Variants in NEDD4 observed in about 807,000 individuals in gnomAD.
The protein encoded by NEDD4 is NEDD4 E3 ubiquitin protein ligase.
A neutral mutation model predicts 144.9 loss-of-function variants in NEDD4; 99 were observed. The ratio of observed to expected loss-of-function variants is 0.68; its 90% CI spans 0.58 to 0.81. NEDD4 has a LOEUF of 0.81. Among genes scored for constraint, NEDD4 ranks in the 30% least tolerant of loss-of-function variants. The pLI is 0.00. For missense variants in NEDD4, 985 were observed against 1,065.9 expected (o/e 0.92, Z 1.06); for synonymous variants, 318 against 350.6 (o/e 0.91, Z 1.04).
At chr15:55,926,443 A>C (rs1355254949) in intron 4 of NEDD4, among the ~76,000 whole-genome samples, 1 of 152,160 alleles carries the variant, frequency 6.6e-6, no homozygotes, top group East Asian at 1.9e-4. Context: ...AGACATGCCA[A>C]ACATAAGGCT....
intron 8 of NEDD4, among the ~76,000 whole-genome samples, chr15:55,865,222 T>C (rs1230600811): frequency 1.3e-5 from 2 of 150,780 alleles, no homozygotes; most frequent in African/African-American, 4.9e-5. Context: ...AAAAAAACTT[T>C]ATAGGAATTT....
chr15:55,955,027 C>A (rs915076870), intron 2 of NEDD4, among the ~76,000 whole-genome samples: 1 of 147,154 alleles, frequency 6.8e-6, no homozygotes, highest in Admixed American at 6.6e-5. Flanking sequence ...GCACTGCATT[C>A]CAGCATTTTT....
intron 7 of NEDD4, among the ~76,000 whole-genome samples, chr15:55,872,175 C>T (rs1266941241): frequency 3.3e-5 from 5 of 151,884 alleles, no homozygotes; most frequent in South Asian, 2.1e-4. Context: ...ATTAGGAGAA[C>T]GAATCTTTCC....
At chr15:55,894,521 C>T (rs563727943) in intron 5 of NEDD4, among the ~76,000 whole-genome samples, 3 of 152,250 alleles carry the variant, frequency 2.0e-5, no homozygotes, top group African/African-American at 4.8e-5. Context: ...TGAAATTCTA[C>T]GGCCCTTAGA....
chr15:55,855,769 G>A (rs1336843406), intron 12 of NEDD4, among the ~76,000 whole-genome samples: 1 of 152,214 alleles, frequency 6.6e-6, no homozygotes, highest in African/African-American at 2.4e-5. Context: ...TATTCTTCAT[G>A]TACAGGGCAG....
intron 13 of NEDD4, among the ~76,000 whole-genome samples, chr15:55,852,158 T>C (rs1272347743): frequency 3.3e-5 from 5 of 151,864 alleles, no homozygotes; most frequent in African/African-American, 1.2e-4. Flanking sequence ...TAGCCAGGTG[T>C]GGTGGCGGGC....
Position 55,988,464 on chromosome 15 carries a change from T to TA in NEDD4, c.45+5046dup, listed in dbSNP as rs763081690. Among the ~76,000 whole-genome samples, 712 of 104,036 alleles carry TA rather than the reference T, an allele frequency of 6.8e-3. 6 individuals carry two copies. The highest frequency in any genetic ancestry group is 9.7e-3 in the Non-Finnish European group (517 of 53,446). 68.3% of individuals were successfully genotyped at this position (104,036 alleles called of 152,430 possible). A position where few individuals can be genotyped will look rare whatever the true frequency, so the allele number is the denominator to read the frequency against. On this transcript the variant is annotated intron_variant, in intron 1 of 28. Coordinates refer to ENST00000435532, the MANE Select transcript of NEDD4 (RefSeq NM_006154.4). ...CAATGTGCACATGTACACTAAAACTTAGAGTATAATAAAAAAAAAAATTAA... is the reference window on the plus strand; with the variant it reads ...CAATGTGCACATGTACACTAAAACTTAAGAGTATAATAAAAAAAAAAATTAA...
At chr15:55,902,863 T>C (rs2035955028) in intron 5 of NEDD4, among the ~76,000 whole-genome samples, 1 of 152,146 alleles carries the variant, frequency 6.6e-6, no homozygotes, top group Admixed American at 6.6e-5. Flanking sequence ...TAGGTCAGCA[T>C]GGTGGCAGGT....
chr15:55,908,868 C>T (rs1465966692), intron 5 of NEDD4, among the ~76,000 whole-genome samples: 1 of 151,888 alleles, frequency 6.6e-6, no homozygotes, highest in African/African-American at 2.4e-5. Flanking sequence ...AATGAGACCT[C>T]ATCATAAAAA....
chr15:55,835,202 C>T (rs187199648), intron 24 of NEDD4, among the ~76,000 whole-genome samples: 157 of 152,272 alleles, frequency 1.0e-3, no homozygotes, highest in African/African-American at 3.7e-3. Context: ...CCACTGCAAT[C>T]GGACTTCTAC....
chr15:55,883,925 G>C (rs2035294253), intron 5 of NEDD4, among the ~76,000 whole-genome samples: 1 of 151,038 alleles, frequency 6.6e-6, no homozygotes, highest in Non-Finnish European at 1.5e-5. Context: ...TGTTGCCCAG[G>C]CTGGAGTACA....
chr15:55,960,929 T>C (rs1277027820), intron 2 of NEDD4, among the ~76,000 whole-genome samples: 1 of 152,256 alleles, frequency 6.6e-6, no homozygotes, highest in African/African-American at 2.4e-5. Context: ...CTGGGAGGCA[T>C]GCTGCCCTCT....
intron 2 of NEDD4, among the ~76,000 whole-genome samples, chr15:55,963,537 T>A (rs1340618097): frequency 6.6e-6 from 1 of 152,222 alleles, no homozygotes; most frequent in Non-Finnish European, 1.5e-5. Flanking sequence ...ACCAAATAGG[T>A]CTATAACTTA....
intron 1 of NEDD4, among the ~76,000 whole-genome samples, chr15:55,977,453 T>C (rs1304631555): frequency 6.6e-6 from 1 of 152,208 alleles, no homozygotes; most frequent in Non-Finnish European, 1.5e-5. Flanking sequence ...TAATGACACA[T>C]TTCTCAGAAT....
At chr15:55,933,471 T>C (rs920188351) in intron 4 of NEDD4, among the ~76,000 whole-genome samples, 4 of 139,052 alleles carry the variant, frequency 2.9e-5, no homozygotes, top group Non-Finnish European at 4.5e-5. Context: ...CAGGTGGGAA[T>C]TGAATAATGA....
intron 8 of NEDD4, among the ~76,000 whole-genome samples, chr15:55,867,330 T>G (rs956969764): frequency 6.6e-6 from 1 of 152,106 alleles, no homozygotes; most frequent in Non-Finnish European, 1.5e-5. Context: ...CAAGCTTACA[T>G]CTCCTGAAAT....
intron 7 of NEDD4, among the ~76,000 whole-genome samples, chr15:55,869,906 CA>C (rs1279357004): frequency 2.0e-5 from 2 of 100,446 alleles, no homozygotes; most frequent in Non-Finnish European, 4.5e-5. Context: ...TGTTATGACA[CA>C]AAGAAGATGC....
At chr15:55,928,204 GT>G (rs2036711897) in intron 4 of NEDD4, among the ~76,000 whole-genome samples, 1 of 152,086 alleles carries the variant, frequency 6.6e-6, no homozygotes, top group African/African-American at 2.4e-5. Flanking sequence ...TAGAGACAGG[GT>G]TTCACCGTGT....
chr15:55,855,224 A>G (rs904623540), intron 12 of NEDD4, among the ~76,000 whole-genome samples: 20 of 152,008 alleles, frequency 1.3e-4, no homozygotes, highest in African/African-American at 3.9e-4. Context: ...GATTTTGGAG[A>G]CTCTGCATTC....
Sources: allele counts gnomAD v4.1 joint callset (sites outside exome capture counted in the v4.1 genomes callset), GRCh38; gene constraint gnomAD v4.1.1; transcripts MANE v1.5; gene names NCBI Gene and HGNC (gene_info 2026-07-23, HGNC 2026-07-21).